DHX38: variants seen among roughly 807,000 people sequenced by gnomAD.
DHX38 encodes DEAH-box helicase 38, also known as pre-mRNA-splicing factor ATP-dependent RNA helicase PRP16.
In DHX38, 100 loss-of-function variants were observed where a neutral mutation model predicts 153.1. The observed-to-expected ratio is 0.65, with a 90% confidence interval of 0.56 to 0.77. DHX38 has a LOEUF of 0.77. DHX38 is among the 30% of genes least tolerant of loss of function. The probability of loss-of-function intolerance (pLI) is 0.00; values close to 1 mark genes in which losing one functional copy is unlikely to be tolerated. For missense variants in DHX38, 1,440 were observed against 1,654.0 expected, an observed-to-expected ratio of 0.87 and a Z score of 2.24; for synonymous variants, 650 against 631.7, an observed-to-expected ratio of 1.03 and a Z score of -0.43.
In DHX38 at chr16:72,100,538, C is replaced by G. The variant is rs773289850; in HGVS notation, c.1219C>G (p.Leu407Val). The G allele has an allele frequency of 2.5e-6, 4 of 1,614,022 alleles. No individual in the cohort carries two copies. Among genetic ancestry groups the G allele is most frequent in the Admixed American group, 1.7e-5 (1 of 59,998 alleles). ...AGAGGACAACGCGGCCAAGGTGCAT[C>G]TGATGGTGCACAATCTGGTGCCTCC... ...FEEDNAAKVH[L>V]MVHNLVPPFL... Residue 407 changes from leucine to valine, a missense_variant, in exon 9 of 27, where the codon CTG becomes GTG. Leu to Val is a conservative substitution (Grantham distance 32). Coordinates refer to ENST00000268482, the MANE Select transcript of DHX38 (RefSeq NM_014003.4).
At position 72,111,786 on chromosome 16, in the gene DHX38, T is replaced by G. The variant is rs372286759; in HGVS notation, c.3600-627T>G. On this transcript the variant is annotated intron_variant, in intron 26 of 26. Coordinates refer to ENST00000268482, the MANE Select transcript of DHX38 (RefSeq NM_014003.4). Reference sequence around the variant, plus strand: ...CCTGAACTTCAGTGTCCAGAGTTCTTATCATTGGGGTTCTGTTACTTAGGC... The same window carrying G: ...CCTGAACTTCAGTGTCCAGAGTTCTGATCATTGGGGTTCTGTTACTTAGGC... Among the ~76,000 whole-genome samples, 34 of 152,280 alleles carry G rather than the reference T, an allele frequency of 2.2e-4. 2 individuals are homozygous for G. The highest frequency in any genetic ancestry group is 1.0e-3 in the Admixed American group (16 of 15,298).
At chr16:72,110,199 A>G (rs1054164867) in intron 25 of DHX38, among the ~76,000 whole-genome samples, 1 of 152,232 alleles carries the variant, frequency 6.6e-6, no homozygotes, top group African/African-American at 2.4e-5. Context: ...GTCCTGTCGA[A>G]TAGTCCATAT....
chr16:72,103,948 G>T lies in DHX38; in HGVS notation c.1827G>T (p.Val609=), dbSNP rs772131476. 3.1e-5 allele frequency: 50 copies of T among 1,613,940 alleles called. No homozygotes were observed. Among genetic ancestry groups the T allele is most frequent in the Non-Finnish European group, 4.2e-5 (50 of 1,179,804 alleles). The change falls in exon 14 of 27, where the codon GTG becomes GTT. Residue 609 remains valine, a splice_region_variant and synonymous_variant. Transcript: ENST00000268482. ...TGAGCCATCTCTCTGACCTCCAGGT[G>T]GGCTATGCCATCCGCTTTGAAGACT... The part of the protein sequence containing the change: ...EEMGGNLGEE[V]GYAIRFEDCT...
chr16:72,109,379 C>T (rs371746185), intron 24 of DHX38, 36 bp from the exon 25 acceptor site: 7 of 1,606,166 alleles, frequency 4.4e-6, no homozygotes, highest in East Asian at 4.5e-5. Flanking sequence ...CATTGGCCCT[C>T]CTGTGACCCT....
At chr16:72,102,983 A>AT in intron 11 of DHX38, 91 bp from the exon 12 acceptor site, 2 of 1,532,224 alleles carry the variant, frequency 1.3e-6, no homozygotes, top group Non-Finnish European at 8.8e-7. Context: ...CGAAGTCCTC[A>AT]TTCCTGAGCG....
At chr16:72,106,435 C>T (rs1179437818) in intron 19 of DHX38, among the ~76,000 whole-genome samples, 1 of 72,544 alleles carries the variant, frequency 1.4e-5, no homozygotes, top group Non-Finnish European at 2.8e-5. Flanking sequence ...TGTTCTCTTT[C>T]CCCATTTTCT....
chr16:72,109,747 G>C (rs755297961), intron 25 of DHX38: 2 of 358,602 alleles, frequency 5.6e-6, no homozygotes, highest in African/African-American at 2.2e-5. Flanking sequence ...AAATATTCAT[G>C]AAAGTGGGAA....
intron 3 of DHX38, 141 bp from the exon 4 acceptor site, chr16:72,097,536 G>A (rs1309621850): frequency 1.4e-6 from 1 of 724,710 alleles, no homozygotes; most frequent in Non-Finnish European, 2.3e-6. Context: ...GGATAGGTGA[G>A]TTTCAGGAGT....
At chr16:72,103,258 C>T in intron 12 of DHX38, 47 bp downstream of exon 12, 4 of 1,593,754 alleles carry the variant, frequency 2.5e-6, no homozygotes, top group Non-Finnish European at 3.4e-6. Context: ...TCAGGGGTGC[C>T]CTTGGTCTCC....
intron 26 of DHX38, 137 bp from the exon 27 acceptor site, chr16:72,112,276 G>C: frequency 1.3e-6 from 1 of 759,012 alleles, no homozygotes. Context: ...GTGAGAATGT[G>C]CCGGGGAGGA....
At position 72,104,345 on chromosome 16, in the gene DHX38, C is replaced by A; in HGVS notation, c.2011-141C>A. On this transcript the variant is annotated intron_variant, in intron 14 of 26. Transcript: ENST00000268482. The surrounding 1 kb of genome is among the most constrained non-coding windows in gnomAD (Gnocchi z 4.5). ...TTTCTGGGCAGTGGCTCCATTGCTT[C>A]AGTCTTCATGATTGGTAAGAATTGA... 7.8e-7 allele frequency: 1 copy of A among 1,284,060 alleles called. No individual in the cohort carries two copies. The highest frequency in any genetic ancestry group is 1.1e-6 in the Non-Finnish European group (1 of 949,494). 79.5% of individuals were successfully genotyped at this position (1,284,060 alleles called of 1,614,324 possible).
At position 72,112,400 on chromosome 16, in the gene DHX38, G is replaced by C. The variant is rs1165221264; in HGVS notation, c.3600-13G>C. ...GGCACGGTGTTTCCTGATCTCTCCTGCTGTGTCTCCAGGTCTACGAAGATC... is the reference window on the plus strand; with the variant it reads ...GGCACGGTGTTTCCTGATCTCTCCTCCTGTGTCTCCAGGTCTACGAAGATC... On this transcript the variant is annotated splice_polypyrimidine_tract_variant and intron_variant, in intron 26 of 26. Transcript: ENST00000268482. 1 of 1,579,780 alleles carries C rather than the reference G, an allele frequency of 6.3e-7. No individual in the cohort carries two copies. Among genetic ancestry groups the C allele is most frequent in the Non-Finnish European group, 8.6e-7 (1 of 1,168,286 alleles).
chr16:72,097,199 T>C lies in DHX38; in HGVS notation c.511+190T>C. On this transcript the variant is annotated intron_variant, in intron 3 of 26. Coordinates refer to ENST00000268482, the MANE Select transcript of DHX38 (RefSeq NM_014003.4). Reference sequence around the variant, plus strand: ...AAGAAAAGAGCTGTTGCCTGTAACATAGCTGCTCTCCTTGAGTGTGTGGTC... The same window carrying C: ...AAGAAAAGAGCTGTTGCCTGTAACACAGCTGCTCTCCTTGAGTGTGTGGTC... 1.2e-5 allele frequency: 7 copies of C among 560,884 alleles called. No individual in the cohort carries two copies. The South Asian group carries it at 1.9e-4, about 15-fold the overall frequency. 34.7% of individuals were successfully genotyped at this position (560,884 alleles called of 1,614,324 possible).
intron 5 of DHX38, 48 bp downstream of exon 5, chr16:72,098,840 G>C: frequency 6.2e-7 from 1 of 1,613,368 alleles, no homozygotes; most frequent in Non-Finnish European, 8.5e-7. Context: ...GGGCGGTAAG[G>C]AGCCTCGGCA....
Position 72,105,216 on chromosome 16 carries a change from C to T in DHX38, c.2263-16C>T. 6.2e-7 allele frequency: 1 copy of T among 1,613,996 alleles called. No individual in the cohort carries two copies. Among genetic ancestry groups the T allele is most frequent in the Non-Finnish European group, 8.5e-7 (1 of 1,179,846 alleles). Reference sequence around the variant, plus strand: ...TTAGGGTTCCAGTGTCTCACAGCTCCTCCCTGGGCTCTCAGGTGACCTCAG... The same window carrying T: ...TTAGGGTTCCAGTGTCTCACAGCTCTTCCCTGGGCTCTCAGGTGACCTCAG... On this transcript the variant is annotated splice_polypyrimidine_tract_variant and intron_variant, in intron 16 of 26. Coordinates refer to ENST00000268482, the MANE Select transcript of DHX38 (RefSeq NM_014003.4).
rs780289032 is a variant in DHX38 at position 72,105,552 on chromosome 16, C to G, written c.2415C>G (p.Thr805=). The stretch of plus-strand genomic sequence containing the variant: ...GCGTTCGGAAGTGCATCGTTGCCAC[C>G]AATATTGCCGAGACGTCTCTCACTG... ...PDGVRKCIVA[T]NIAETSLTVD... The change falls in exon 18 of 27, where the codon ACC becomes ACG. Residue 805 remains threonine (T), a synonymous_variant. Transcript: ENST00000268482. 6.2e-7 allele frequency: 1 copy of G among 1,614,178 alleles called. No individual in the cohort carries two copies. Among genetic ancestry groups the G allele is most frequent in the Non-Finnish European group, 8.5e-7 (1 of 1,180,048 alleles).
rs1404830206 is a variant in DHX38, at chr16:72,106,219, C to G, written c.2600+102C>G. ...GGATGCTGGCTCTAGAGCTGGTCCC[C>G]AAGGCTGGAAGCTGCTGGCAGGGCT... On this transcript the variant is annotated intron_variant, in intron 19 of 26. Coordinates refer to ENST00000268482, the MANE Select transcript of DHX38 (RefSeq NM_014003.4). 3.6e-6 allele frequency: 4 copies of G among 1,098,742 alleles called. No individual in the cohort carries two copies. The East Asian group carries it at 9.8e-5, about 27-fold the overall frequency. 68.1% of individuals were successfully genotyped at this position (1,098,742 alleles called of 1,614,324 possible).
Position 72,094,520 on chromosome 16 carries a change from C to T in DHX38, c.-20+469C>T, listed in dbSNP as rs561723295. ...GAGAACAGCAATTGGCTCAGGGACA[C>T]CCTCAGTGAATAATTGTTGAATGAA... On this transcript the variant is annotated intron_variant, in intron 1 of 26. Coordinates refer to ENST00000268482, the MANE Select transcript of DHX38 (RefSeq NM_014003.4). 15 of 152,318 alleles carry T rather than the reference C, an allele frequency of 9.8e-5. No homozygotes were observed. The East Asian group carries it at 2.9e-3, about 29-fold the overall frequency. 9.4% of individuals were successfully genotyped at this position (152,318 alleles called of 1,614,324 possible).
In DHX38 at chr16:72,103,150, C is replaced by G. The variant is rs2042123474; in HGVS notation, c.1576C>G (p.Leu526Val). 2.5e-6 allele frequency: 4 copies of G among 1,614,094 alleles called. No homozygotes were observed. The highest frequency in any genetic ancestry group is 2.2e-5 in the South Asian group (2 of 91,088). The change falls in exon 12 of 27, where the codon CTG (leucine) becomes GTG (valine). Residue 526 changes from leucine (L) to valine (V), a missense_variant. This residue lies in a region of DHX38 where 241 missense variants were observed against 229.5 expected (regional missense o/e 1.05). Coordinates refer to ENST00000268482, the MANE Select transcript of DHX38 (RefSeq NM_014003.4). Reference sequence around the variant, plus strand: ...TGAATTTGCAAAGAAGAAGTCCATCCTGGAGCAGAGGCAGTACCTGCCCAT... The same window carrying G: ...TGAATTTGCAAAGAAGAAGTCCATCGTGGAGCAGAGGCAGTACCTGCCCAT... ...SSEFAKKKSI[L>V]EQRQYLPIFA...
Sources: allele counts gnomAD v4.1 joint callset (sites outside exome capture counted in the v4.1 genomes callset), GRCh38; gene constraint gnomAD v4.1.1; regional missense constraint gnomAD v4.1.1; non-coding constraint Gnocchi (gnomAD v3.1); transcripts MANE v1.5; gene names NCBI Gene and HGNC (gene_info 2026-07-23, HGNC 2026-07-21).